CSMD1: variants seen among roughly 807,000 people sequenced by gnomAD.
The protein encoded by CSMD1 is CUB and Sushi multiple domains 1, also known as CUB and sushi domain-containing protein 1.
A neutral mutation model predicts 417.5 loss-of-function variants in CSMD1; 213 were observed. The observed-to-expected ratio is 0.51, with a 90% CI of 0.46 to 0.57. The LOEUF (loss-of-function observed/expected upper bound fraction) is 0.57, where lower values mean the gene tolerates loss of function less well. CSMD1 is among the 20% of genes least tolerant of loss of function. The pLI, the probability that CSMD1 is intolerant of heterozygous loss-of-function variation, is 0.00. For synonymous variants in CSMD1, 2,862 were observed against 1,736.8 expected (o/e 1.65, Z -16.11); for missense variants, 6,923 against 4,529.7 (o/e 1.53, Z -15.17).
At chr8:4,415,403 G>C (rs903784472) in intron 3 of CSMD1, among the ~76,000 whole-genome samples, 2 of 152,134 alleles carry the variant, frequency 1.3e-5, no homozygotes, top group African/African-American at 2.4e-5. Context: ...TTCCGGGTTT[G>C]ACACAAAGTA....
chr8:3,481,329 G>T (rs576690732), intron 11 of CSMD1, among the ~76,000 whole-genome samples: 2 of 152,032 alleles, frequency 1.3e-5, no homozygotes. Context: ...GGACTATTTT[G>T]CTTACCATGA....
intron 1 of CSMD1, among the ~76,000 whole-genome samples, chr8:4,744,328 T>A (rs1054937293): frequency 2.0e-5 from 3 of 152,180 alleles, no homozygotes; most frequent in African/African-American, 7.2e-5. Context: ...TCTACTGATG[T>A]GTGTGCTGTG....
chr8:4,841,460 C>A (rs2118577), intron 1 of CSMD1, among the ~76,000 whole-genome samples: 2 of 151,812 alleles, frequency 1.3e-5, no homozygotes, highest in Non-Finnish European at 2.9e-5. Context: ...CAGTGTTAAA[C>A]GAATAAACTA....
At chr8:3,490,266 T>C (rs1023309670) in intron 11 of CSMD1, among the ~76,000 whole-genome samples, 6 of 152,206 alleles carry the variant, frequency 3.9e-5, no homozygotes, top group African/African-American at 1.2e-4. Flanking sequence ...CTGTTTAGTT[T>C]TTCATTTACA....
At chr8:3,829,408 G>C (rs760185014) in intron 5 of CSMD1, among the ~76,000 whole-genome samples, 3 of 152,244 alleles carry the variant, frequency 2.0e-5, no homozygotes, top group Admixed American at 6.5e-5. Flanking sequence ...ACCTACAACA[G>C]TCAGAATGAG....
At chr8:3,611,001 A>G (rs1269382251) in intron 8 of CSMD1, among the ~76,000 whole-genome samples, 1 of 146,558 alleles carries the variant, frequency 6.8e-6, no homozygotes, top group Non-Finnish European at 1.5e-5. Flanking sequence ...CAAACACCGC[A>G]TGTTCTCACT....
intron 1 of CSMD1, among the ~76,000 whole-genome samples, chr8:4,858,002 G>C (rs74588163): frequency 0.19 from 28,209 of 151,968 alleles, 2,759 homozygotes; most frequent in East Asian, 0.27. Flanking sequence ...GAACATTGAC[G>C]CAAAAATCCT....
At chr8:3,955,932 T>G (rs1811913830) in intron 5 of CSMD1, among the ~76,000 whole-genome samples, 1 of 152,190 alleles carries the variant, frequency 6.6e-6, no homozygotes, top group Non-Finnish European at 1.5e-5. Flanking sequence ...CAGCTGGGAT[T>G]ACAGGCGCCC....
At chr8:3,065,641 A>C (rs1174630475) in intron 49 of CSMD1, among the ~76,000 whole-genome samples, 1 of 152,222 alleles carries the variant, frequency 6.6e-6, no homozygotes, top group African/African-American at 2.4e-5. Context: ...AGATTGATAG[A>C]TAAAAAATGA....
chr8:4,870,513 A>G lies in CSMD1; in HGVS notation c.85+123819T>C, dbSNP rs142179071. Among the ~76,000 whole-genome samples, 170 of 152,156 alleles carry G rather than the reference A, an allele frequency of 1.1e-3. 1 individual carries two copies. The Middle Eastern group carries it at 0.014, about 12-fold the overall frequency. On this transcript the variant is annotated intron_variant, in intron 1 of 69. Coordinates refer to ENST00000635120, the MANE Select transcript of CSMD1 (RefSeq NM_033225.6). ...GTTTGGGTTTTCACTGTCACATGCA[A>G]CTTGGCCAAGGAGTCTGCATACATT... is the stretch of plus-strand genomic sequence containing the variant.
intron 10 of CSMD1, among the ~76,000 whole-genome samples, chr8:3,513,178 C>G (rs1358504032): frequency 6.6e-6 from 1 of 151,660 alleles, no homozygotes; most frequent in Non-Finnish European, 1.5e-5. Flanking sequence ...AGACTTTACT[C>G]TGGCAAACTT....
intron 2 of CSMD1, among the ~76,000 whole-genome samples, chr8:4,545,619 G>A (rs78478189): frequency 0.014 from 2,060 of 152,244 alleles, 47 homozygotes; most frequent in African/African-American, 0.047. Flanking sequence ...AGAAAAAGTG[G>A]TTGGCTGGTT....
intron 7 of CSMD1, among the ~76,000 whole-genome samples, chr8:3,690,395 G>C (rs1800176141): frequency 6.6e-6 from 1 of 152,198 alleles, no homozygotes; most frequent in South Asian, 2.1e-4. Flanking sequence ...TCTAAAATTT[G>C]CCAGCCTTTG....
intron 1 of CSMD1, among the ~76,000 whole-genome samples, chr8:4,775,305 G>C (rs1383451615): frequency 6.6e-6 from 1 of 152,114 alleles, no homozygotes; most frequent in Non-Finnish European, 1.5e-5. Context: ...GTCTCCAGAG[G>C]AATCAAGGTG....
intron 4 of CSMD1, among the ~76,000 whole-genome samples, chr8:4,024,044 G>C (rs1041561051): frequency 5.9e-5 from 9 of 152,038 alleles, no homozygotes; most frequent in Non-Finnish European, 1.3e-4. Flanking sequence ...AGAGAACATA[G>C]AGGCCAAAAC....
intron 1 of CSMD1, among the ~76,000 whole-genome samples, chr8:4,709,980 T>A (rs893560761): frequency 2.6e-5 from 4 of 152,190 alleles, no homozygotes; most frequent in Non-Finnish European, 1.5e-5. Flanking sequence ...TTAGAAATTT[T>A]GATAAAAACT....
chr8:3,986,302 A>G (rs1397134040), intron 5 of CSMD1, among the ~76,000 whole-genome samples: 1 of 152,156 alleles, frequency 6.6e-6, no homozygotes, highest in African/African-American at 2.4e-5. Context: ...CTATGTTTCT[A>G]AAAGCTCAGT....
At chr8:4,143,428 T>A (rs1005220827) in intron 3 of CSMD1, among the ~76,000 whole-genome samples, 2 of 150,586 alleles carry the variant, frequency 1.3e-5, no homozygotes, top group Non-Finnish European at 2.9e-5. Context: ...AGGCTGAAAG[T>A]TCGGATACCT....
At chr8:4,188,674 T>C (rs1468029786) in intron 3 of CSMD1, among the ~76,000 whole-genome samples, 2 of 152,156 alleles carry the variant, frequency 1.3e-5, no homozygotes, top group African/African-American at 2.4e-5. Context: ...AACAGTCTAG[T>C]CTTTTAACCT....
Sources: allele counts gnomAD v4.1 joint callset (sites outside exome capture counted in the v4.1 genomes callset), GRCh38; gene constraint gnomAD v4.1.1; transcripts MANE v1.5; gene names NCBI Gene and HGNC (gene_info 2026-07-23, HGNC 2026-07-21).